Variants in PTPRK observed in about 807,000 individuals in gnomAD.
PTPRK encodes protein tyrosine phosphatase receptor type K.
Under a neutral mutation model 178.0 loss-of-function variants are expected in PTPRK, and 75 were observed. The observed-to-expected ratio is 0.42, with a 90% CI of 0.35 to 0.51. PTPRK has a LOEUF of 0.51. Ranked by LOEUF, PTPRK falls within the 20% of genes least tolerant of loss-of-function variation. The pLI is 0.02. For synonymous variants in PTPRK, 637 were observed against 620.6 expected (o/e 1.03, Z -0.39); for missense variants, 1,441 against 1,797.8 (o/e 0.80, Z 3.59).
intron 2 of PTPRK, among the ~76,000 whole-genome samples, chr6:128,377,051 T>C (rs1837199835): frequency 1.3e-5 from 2 of 152,202 alleles, no homozygotes; most frequent in East Asian, 3.8e-4. Context: ...CTTCTTCTGA[T>C]CCCTCTAAAC....
chr6:128,186,426 A>G (rs1276596631), intron 6 of PTPRK, among the ~76,000 whole-genome samples: 1 of 152,106 alleles, frequency 6.6e-6, no homozygotes, highest in Non-Finnish European at 1.5e-5. Context: ...CTAAGATCAA[A>G]GATGATAACA....
intron 13 of PTPRK, among the ~76,000 whole-genome samples, chr6:128,030,320 C>T (rs1338622700): frequency 6.6e-6 from 1 of 152,132 alleles, no homozygotes; most frequent in Admixed American, 6.6e-5. Context: ...GAAAGCAGCA[C>T]AACCTCCAAG....
intron 6 of PTPRK, among the ~76,000 whole-genome samples, chr6:128,194,095 TA>T (rs1176398940): frequency 3.3e-4 from 48 of 146,290 alleles, no homozygotes; most frequent in African/African-American, 1.0e-3. Context: ...TTATTATTAT[TA>T]TTATTAGGAA....
rs1717338454 is a variant in PTPRK, at chr6:128,242,548, C to T, written c.550G>A (p.Asp184Asn). ...CAAGGATAACTCAGTACTTGGATGTCATCAATGGCAATATAACCACTTCTC... is the reference window on the plus strand; with the variant it reads ...CAAGGATAACTCAGTACTTGGATGTTATCAATGGCAATATAACCACTTCTC... The part of the protein sequence containing the change: ...GGRSGYIAID[D>N]IQVLSYPCDK... Residue 184 changes from aspartate to asparagine, a missense_variant, in exon 4 of 30, where the codon GAC becomes AAC. Physicochemically the swap from Asp to Asn is conservative, Grantham distance 23 (BLOSUM62 1). This residue lies in a region of PTPRK where 945 missense variants were observed against 1,080.6 expected (regional missense o/e 0.87). Coordinates refer to ENST00000368226, the MANE Select transcript of PTPRK (RefSeq NM_002844.4). 3.1e-6 allele frequency: 5 copies of T among 1,613,058 alleles called. No individual in the cohort carries two copies. The South Asian group carries it at 5.5e-5, about 18-fold the overall frequency.
chr6:128,376,877 GT>G (rs1837162251), intron 2 of PTPRK, among the ~76,000 whole-genome samples: 1 of 152,122 alleles, frequency 6.6e-6, no homozygotes, highest in Non-Finnish European at 1.5e-5. Flanking sequence ...CGTAACAAGA[GT>G]CACCTTTGCT....
intron 5 of PTPRK, among the ~76,000 whole-genome samples, chr6:128,227,065 C>A (rs946547651): frequency 6.6e-6 from 1 of 152,078 alleles, no homozygotes; most frequent in Non-Finnish European, 1.5e-5. Flanking sequence ...TAAAATATCA[C>A]TCTTAGATAT....
intron 15 of PTPRK, chr6:128,001,214 C>G (rs1381939584): frequency 6.5e-7 from 1 of 1,533,348 alleles, no homozygotes; most frequent in Non-Finnish European, 8.8e-7. Context: ...GGAACTTAAA[C>G]CCAATGAAGC....
intron 15 of PTPRK, chr6:128,000,347 A>T: frequency 7.9e-7 from 1 of 1,266,330 alleles, no homozygotes; most frequent in African/African-American, 1.6e-5. Flanking sequence ...AAGGGAAAAA[A>T]AAAAGAACCC....
intron 2 of PTPRK, among the ~76,000 whole-genome samples, chr6:128,354,234 T>G (rs1294523856): frequency 1.5e-4 from 11 of 75,634 alleles, no homozygotes; most frequent in Non-Finnish European, 7.6e-5. Context: ...TGTTTATGTT[T>G]TTTTTTTTTT....
At position 128,214,544 on chromosome 6, in the gene PTPRK, C is replaced by CATTATTATTATTATTATTATTATT. The variant is rs369013218; in HGVS notation, c.868+4354_868+4377dup. ...GCTGTTTATCCAATAACCAGTGATG[C>CATTATTATTATTATTATTATTATT]ATTATTATTATTATTATTATTATTA... On this transcript the variant is annotated intron_variant, in intron 6 of 29. Coordinates refer to ENST00000368226, the MANE Select transcript of PTPRK (RefSeq NM_002844.4). 1.1e-3 allele frequency among the ~76,000 whole-genome samples: 168 copies of CATTATTATTATTATTATTATTATT among 150,030 alleles called. 1 individual carries two copies. The highest frequency in any genetic ancestry group is 5.8e-3 in the East Asian group (29 of 5,042).
chr6:128,291,662 T>C (rs1178814737), intron 3 of PTPRK, among the ~76,000 whole-genome samples: 1 of 152,120 alleles, frequency 6.6e-6, no homozygotes, highest in Non-Finnish European at 1.5e-5. Context: ...ATGAGCAATC[T>C]CTTCAGGAGT....
intron 3 of PTPRK, among the ~76,000 whole-genome samples, chr6:128,313,541 G>T (rs1488103900): frequency 6.6e-6 from 1 of 151,998 alleles, no homozygotes; most frequent in Non-Finnish European, 1.5e-5. Context: ...AACAGAACTT[G>T]GACAATGAAA....
intron 1 of PTPRK, among the ~76,000 whole-genome samples, chr6:128,471,119 C>T (rs1850590592): frequency 6.6e-6 from 1 of 151,860 alleles, no homozygotes; most frequent in Admixed American, 6.6e-5. Context: ...GTTCTCTGGG[C>T]TTTAAATGAA....
At chr6:128,373,748 A>G (rs1213999052) in intron 2 of PTPRK, among the ~76,000 whole-genome samples, 1 of 152,100 alleles carries the variant, frequency 6.6e-6, no homozygotes, top group Non-Finnish European at 1.5e-5. Context: ...TCCATCTTTC[A>G]TTCACCATTG....
chr6:127,995,641 T>A lies in PTPRK; in HGVS notation c.2768-103A>T, dbSNP rs191059553. The A allele has an allele frequency of 6.4e-4, 425 of 668,808 alleles. 3 individuals are homozygous for A. In the African/African-American group the frequency reaches 7.1e-3, roughly 11 times the overall value. The allele number at this position is 668,808 out of a possible 1,614,324, so 41.4% of individuals were successfully genotyped here. The stretch of plus-strand genomic sequence containing the variant: ...GAATTCAGTGGTTGCCCATAGTCTA[T>A]CCATAGTATACTACTACCAAATCAG... On this transcript the variant is annotated intron_variant, in intron 17 of 29. Coordinates refer to ENST00000368226, the MANE Select transcript of PTPRK (RefSeq NM_002844.4).
chr6:128,411,930 G>A (rs1477302600), intron 1 of PTPRK, among the ~76,000 whole-genome samples: 1 of 152,062 alleles, frequency 6.6e-6, no homozygotes, highest in Non-Finnish European at 1.5e-5. Flanking sequence ...AAAATTTGCA[G>A]TCTCAAATAT....
chr6:128,449,736 C>T (rs1011951663), intron 1 of PTPRK, among the ~76,000 whole-genome samples: 7 of 152,190 alleles, frequency 4.6e-5, no homozygotes, highest in East Asian at 3.9e-4. Context: ...TTCACACTTA[C>T]GCTGTTTTTG....
chr6:128,313,456 G>A (rs1296016995), intron 3 of PTPRK, among the ~76,000 whole-genome samples: 4 of 152,158 alleles, frequency 2.6e-5, no homozygotes, highest in Non-Finnish European at 5.9e-5. Flanking sequence ...GGAGAAGGGA[G>A]AGACCACTGA....
intron 1 of PTPRK, among the ~76,000 whole-genome samples, chr6:128,446,599 C>T (rs1399674760): frequency 6.6e-6 from 1 of 152,166 alleles, no homozygotes; most frequent in East Asian, 1.9e-4. Context: ...AGCACAGAAG[C>T]CGTAGCACAG....
Sources: gnomAD v4.1 joint callset for allele counts (sites outside exome capture counted in the v4.1 genomes callset) on GRCh38, gnomAD v4.1.1 for gene constraint, gnomAD v4.1.1 regional missense constraint, MANE v1.5 for transcripts, NCBI Gene and HGNC (gene_info 2026-07-23, HGNC 2026-07-21) for gene names.